The following HIBADH variants were observed in gnomAD, a reference collection of about 807,000 sequenced individuals.
HIBADH encodes the protein 3-hydroxyisobutyrate dehydrogenase, also known as 3-hydroxyisobutyrate dehydrogenase, mitochondrial.
HIBADH carries 25 observed loss-of-function variants against 36.1 expected under a neutral mutation model. The observed-to-expected ratio is 0.69, with a 90% CI of 0.50 to 0.97. The LOEUF (loss-of-function observed/expected upper bound fraction) is 0.97. Ranked by LOEUF, HIBADH falls within the 50% of genes least tolerant of loss-of-function variation. The pLI is 0.00. For missense variants in HIBADH, 421 were observed against 418.0 expected, an observed-to-expected ratio of 1.01 and a Z score of -0.06; for synonymous variants, 160 against 149.5, an observed-to-expected ratio of 1.07 and a Z score of -0.51.
At chr7:27,606,103 A>G (rs1182091243) in intron 4 of HIBADH, among the ~76,000 whole-genome samples, 2 of 151,906 alleles carry the variant, frequency 1.3e-5, no homozygotes, top group Non-Finnish European at 2.9e-5. Context: ...AACATCATAA[A>G]ACATTTTTTT....
chr7:27,618,039 G>A (rs917922271), intron 4 of HIBADH, among the ~76,000 whole-genome samples: 3 of 152,046 alleles, frequency 2.0e-5, no homozygotes, highest in Admixed American at 2.0e-4. Flanking sequence ...CTGGGGCTGT[G>A]AGAAATGACT....
chr7:27,587,501 T>C (rs1351708279), intron 4 of HIBADH, among the ~76,000 whole-genome samples: 1 of 152,140 alleles, frequency 6.6e-6, no homozygotes, highest in East Asian at 1.9e-4. Context: ...TACCTACTTT[T>C]AAATAAAAAG....
chr7:27,609,746 C>T (rs894036671), intron 4 of HIBADH, among the ~76,000 whole-genome samples: 7 of 152,114 alleles, frequency 4.6e-5, no homozygotes, highest in East Asian at 1.9e-4. Flanking sequence ...TAATAGTCAA[C>T]GCACTAAGTA....
In HIBADH at chr7:27,607,321, A is replaced by C. The variant is rs553622822; in HGVS notation, c.484+22050T>G. Among the ~76,000 whole-genome samples the C allele has an allele frequency of 3.9e-5, 6 of 152,312 alleles. No individual in the cohort carries two copies. The East Asian group carries it at 1.2e-3, about 29-fold the overall frequency. On this transcript the variant is annotated intron_variant, in intron 4 of 7. Coordinates refer to ENST00000265395, the MANE Select transcript of HIBADH (RefSeq NM_152740.4). ...TCAGGAGTTCGAGGCCAGCCTGGCC[A>C]ACACGGTGAAACCATGTCTCTAGTA...
At chr7:27,651,411 A>G (rs957926491) in intron 1 of HIBADH, among the ~76,000 whole-genome samples, 1 of 152,250 alleles carries the variant, frequency 6.6e-6, no homozygotes, top group Non-Finnish European at 1.5e-5. Context: ...CTGGCCTGCA[A>G]GGAATTCAAT....
At chr7:27,593,141 C>G (rs6944025) in intron 4 of HIBADH, among the ~76,000 whole-genome samples, 4 of 152,228 alleles carry the variant, frequency 2.6e-5, no homozygotes, top group African/African-American at 9.6e-5. Flanking sequence ...ATGATTAATA[C>G]AGGTTGAAAG....
At chr7:27,639,005 G>A (rs1785908611) in intron 2 of HIBADH, among the ~76,000 whole-genome samples, 1 of 152,212 alleles carries the variant, frequency 6.6e-6, no homozygotes, top group African/African-American at 2.4e-5. Flanking sequence ...ATGCAAATTA[G>A]ATGAGTTACT....
At chr7:27,616,684 A>G (rs1482167865) in intron 4 of HIBADH, among the ~76,000 whole-genome samples, 1 of 152,078 alleles carries the variant, frequency 6.6e-6, no homozygotes, top group Non-Finnish European at 1.5e-5. Context: ...CTGGTCTTGA[A>G]CTTCCGGGCT....
intron 2 of HIBADH, among the ~76,000 whole-genome samples, chr7:27,632,885 CA>C (rs1475374407): frequency 6.6e-6 from 1 of 151,842 alleles, no homozygotes; most frequent in African/African-American, 2.4e-5. Context: ...AATCCCCTAA[CA>C]AAATCTCAAG....
intron 4 of HIBADH, among the ~76,000 whole-genome samples, chr7:27,613,320 A>G (rs1005716261): frequency 2.5e-4 from 37 of 147,372 alleles, no homozygotes; most frequent in East Asian, 5.9e-4. Context: ...ATATATATAT[A>G]AAAGAATAAA....
chr7:27,642,752 C>T (rs35733358), intron 2 of HIBADH, among the ~76,000 whole-genome samples: 18 of 148,472 alleles, frequency 1.2e-4, no homozygotes, highest in South Asian at 4.3e-4. Flanking sequence ...CCCGGGTTCA[C>T]GCCATTCTCC....
chr7:27,569,685 C>T (rs1460415820), intron 4 of HIBADH, among the ~76,000 whole-genome samples: 1 of 152,088 alleles, frequency 6.6e-6, no homozygotes, highest in Admixed American at 6.6e-5. Context: ...CCCCCACTGC[C>T]ACCCGGTCCT....
chr7:27,580,594 T>A (rs1339815743), intron 4 of HIBADH, among the ~76,000 whole-genome samples: 2 of 152,236 alleles, frequency 1.3e-5, no homozygotes, highest in Non-Finnish European at 2.9e-5. Context: ...TCAGAGCTTG[T>A]ACTGCAATTT....
rs527854181 is a variant in HIBADH at position 27,590,727 on chromosome 7, CACTT to C, written c.484+38640_484+38643del. 3.3e-5 allele frequency among the ~76,000 whole-genome samples: 5 copies of C among 152,352 alleles called. No individual in the cohort carries two copies. The East Asian group carries it at 5.8e-4, about 18-fold the overall frequency. ...CCGTCATAGTCCCAGATAAGGATCT[CACTT>C]AATCCTATAAAATACAACTATCACT... is the stretch of plus-strand genomic sequence containing the variant. On this transcript the variant is annotated intron_variant, in intron 4 of 7. Transcript: ENST00000265395.
At chr7:27,586,654 A>G (rs1262475253) in intron 4 of HIBADH, among the ~76,000 whole-genome samples, 1 of 151,970 alleles carries the variant, frequency 6.6e-6, no homozygotes, top group Non-Finnish European at 1.5e-5. Flanking sequence ...GAAGAAGAAA[A>G]AGGAGGAGGA....
At chr7:27,569,791 T>C (rs940642785) in intron 4 of HIBADH, among the ~76,000 whole-genome samples, 1 of 152,150 alleles carries the variant, frequency 6.6e-6, no homozygotes, top group African/African-American at 2.4e-5. Context: ...GGAATCATTC[T>C]ACACTGTTTG....
intron 5 of HIBADH, among the ~76,000 whole-genome samples, chr7:27,538,802 A>G (rs562513504): frequency 3.4e-4 from 52 of 152,256 alleles, no homozygotes; most frequent in African/African-American, 1.2e-3. Flanking sequence ...TAGAGGCTAT[A>G]AGAGATAGGA....
intron 6 of HIBADH, among the ~76,000 whole-genome samples, chr7:27,537,372 TAA>T (rs1784084189): frequency 6.6e-6 from 1 of 152,116 alleles, no homozygotes; most frequent in African/African-American, 2.4e-5. Flanking sequence ...ATATGGTAAT[TAA>T]GAGGAAATGT....
chr7:27,556,072 A>C (rs1358159002), intron 4 of HIBADH, among the ~76,000 whole-genome samples: 1 of 152,210 alleles, frequency 6.6e-6, no homozygotes, highest in Non-Finnish European at 1.5e-5. Flanking sequence ...TTCCACTTTG[A>C]TAAATTACAG....
Sources: allele counts gnomAD v4.1 joint callset (sites outside exome capture counted in the v4.1 genomes callset), GRCh38; gene constraint gnomAD v4.1.1; transcripts MANE v1.5; gene names NCBI Gene and HGNC (gene_info 2026-07-23, HGNC 2026-07-21).